Variants in NCF4 observed in about 807,000 individuals in gnomAD.
NCF4 encodes the protein neutrophil cytosol factor 4.
A neutral mutation model predicts 41.7 loss-of-function variants in NCF4; 30 were observed. That is an observed-to-expected ratio of 0.72 (90% confidence interval 0.54 to 0.97). The LOEUF (loss-of-function observed/expected upper bound fraction) is 0.97. Among genes scored for constraint, NCF4 ranks in the 50% least tolerant of loss-of-function variants. The pLI, the probability that NCF4 is intolerant of heterozygous loss-of-function variation, is 0.00. For missense variants in NCF4, 432 were observed against 460.9 expected (o/e 0.94, Z 0.57); for synonymous variants, 195 against 175.8 (o/e 1.11, Z -0.87).
intron 7 of NCF4, among the ~76,000 whole-genome samples, chr22:36,873,671 T>C (rs1940132325): frequency 6.6e-6 from 1 of 152,136 alleles, no homozygotes; most frequent in African/African-American, 2.4e-5. Flanking sequence ...GAGTTTAGTT[T>C]CTTGGTCTGT....
intron 2 of NCF4, 54 bp downstream of exon 2, chr22:36,864,183 G>A (rs1254524638): frequency 2.9e-6 from 4 of 1,386,506 alleles, no homozygotes; most frequent in Non-Finnish European, 3.9e-6. Flanking sequence ...CCACCCAGCT[G>A]ACCTCTGAAC....
chr22:36,873,336 T>C (rs1940125718), intron 7 of NCF4, among the ~76,000 whole-genome samples: 1 of 149,240 alleles, frequency 6.7e-6, no homozygotes, highest in Admixed American at 6.7e-5. Context: ...AGGTTGGAGA[T>C]GAGGTTGGGA....
rs1210447919 is a variant in NCF4 at position 36,877,761 on chromosome 22, T to C, written c.958T>C (p.Phe320Leu). The change falls in exon 10 of 10, where the codon TTC becomes CTC. Residue 320 changes from phenylalanine to leucine, a missense_variant. By Grantham distance (22) the Phe-to-Leu change is conservative (BLOSUM62 0). Transcript: ENST00000248899. ...TGGCCTCCCCTCCCAGAAGCGCCTC[T>C]TCCCCTGGAAGCTGCACATCACGCA... ...ARGLPSQKRL[F>L]PWKLHITQKD... The C allele has an allele frequency of 6.2e-7, 1 of 1,614,096 alleles. No individual in the cohort carries two copies. Among genetic ancestry groups the C allele is most frequent in the Non-Finnish European group, 8.5e-7 (1 of 1,180,010 alleles).
intron 7 of NCF4, 55 bp from the exon 8 acceptor site, chr22:36,875,598 G>A (rs546349994): frequency 3.1e-5 from 48 of 1,542,072 alleles, no homozygotes; most frequent in African/African-American, 9.5e-5. Flanking sequence ...GCTCTGAGGC[G>A]TGGCTCTGCT....
intron 7 of NCF4, 48 bp downstream of exon 7, chr22:36,872,473 G>A (rs1601553603): frequency 6.8e-7 from 1 of 1,461,764 alleles, no homozygotes; most frequent in Non-Finnish European, 9.5e-7. Context: ...TGAGGTTGGA[G>A]GGAAATTAAA....
Position 36,864,086 on chromosome 22 carries a change from A to G in NCF4, c.74A>G (p.Asn25Ser), listed in dbSNP as rs573525247. 16 of 1,614,170 alleles carry G rather than the reference A, an allele frequency of 9.9e-6. 1 individual carries two copies. In the African/African-American group the frequency reaches 1.9e-4, roughly 19 times the overall value. Residue 25 changes from asparagine (N) to serine (S), a missense_variant, in exon 2 of 10, where the codon AAC becomes AGC. Asn to Ser is a conservative substitution (Grantham distance 46). Transcript: ENST00000248899. ...QLPDDVAISA[N>S]IADIEEKRGF... Reference sequence around the variant, plus strand: ...CCGGATGATGTTGCCATCTCGGCCAACATTGCTGACATCGAGGAGAAGAGA... The same window carrying G: ...CCGGATGATGTTGCCATCTCGGCCAGCATTGCTGACATCGAGGAGAAGAGA...
At chr22:36,874,896 CCT>C (rs1940159687) in intron 7 of NCF4, among the ~76,000 whole-genome samples, 2 of 152,292 alleles carry the variant, frequency 1.3e-5, no homozygotes, top group South Asian at 4.1e-4. Flanking sequence ...CTCTTCCTCC[CCT>C]GTTCTATTTT....
At chr22:36,876,991 C>T (rs1040734794) in intron 9 of NCF4, among the ~76,000 whole-genome samples, 2 of 149,988 alleles carry the variant, frequency 1.3e-5, no homozygotes, top group African/African-American at 2.5e-5. Flanking sequence ...CCTCAATAGC[C>T]TCACACAGGT....
chr22:36,869,503 C>T (rs1232561719), intron 4 of NCF4, among the ~76,000 whole-genome samples: 1 of 152,166 alleles, frequency 6.6e-6, no homozygotes, highest in Non-Finnish European at 1.5e-5. Flanking sequence ...GGCTCTGCAT[C>T]CCCAGTTCCT....
rs1427121004 is a variant in NCF4 at position 36,870,400 on chromosome 22, G to C, written c.343-15G>C. 1.1e-5 allele frequency: 18 copies of C among 1,613,666 alleles called. No homozygotes were observed. The highest frequency in any genetic ancestry group is 1.4e-5 in the Non-Finnish European group (17 of 1,180,020). ...TGCTGACTACCCCACCGGTTCTGCTGTCTCACCCACACAGAGCCTGCTCAG... is the reference window on the plus strand; with the variant it reads ...TGCTGACTACCCCACCGGTTCTGCTCTCTCACCCACACAGAGCCTGCTCAG... On this transcript the variant is annotated splice_polypyrimidine_tract_variant and intron_variant, in intron 4 of 9. Coordinates refer to ENST00000248899, the MANE Select transcript of NCF4 (RefSeq NM_000631.5).
Position 36,861,014 on chromosome 22 carries a change from G to T in NCF4, c.-158G>T. On this transcript the variant is annotated 5_prime_UTR_variant, in exon 1 of 10. Transcript: ENST00000248899. ...GAGGAGGAGCCTCTGCCAGACTGGAGAGAAGCAGGCCTGAGCCTCCCCAAA... is the reference window on the plus strand; with the variant it reads ...GAGGAGGAGCCTCTGCCAGACTGGATAGAAGCAGGCCTGAGCCTCCCCAAA... The T allele has an allele frequency of 1.1e-6, 1 of 941,378 alleles. No individual in the cohort carries two copies. The highest frequency in any genetic ancestry group is 1.7e-6 in the Non-Finnish European group (1 of 594,156). 58.3% of individuals were successfully genotyped at this position (941,378 alleles called of 1,614,324 possible).
intron 1 of NCF4, among the ~76,000 whole-genome samples, chr22:36,861,707 G>A (rs1011045208): frequency 2.0e-5 from 3 of 152,118 alleles, no homozygotes; most frequent in Non-Finnish European, 4.4e-5. Flanking sequence ...TATATTACAG[G>A]AATAATATTA....
chr22:36,861,225 C>T, intron 1 of NCF4, 22 bp downstream of exon 1: 1 of 1,551,176 alleles, frequency 6.4e-7, no homozygotes, highest in Non-Finnish European at 8.7e-7. Flanking sequence ...GGTGTGGCCG[C>T]CCCCGGGCCT....
chr22:36,864,419 G>A (rs1396490658), intron 2 of NCF4, among the ~76,000 whole-genome samples: 1 of 152,152 alleles, frequency 6.6e-6, no homozygotes, highest in Non-Finnish European at 1.5e-5. Context: ...TCCGGCCCCA[G>A]CATAATACTA....
intron 4 of NCF4, among the ~76,000 whole-genome samples, chr22:36,867,795 C>A (rs568113848): frequency 1.2e-3 from 182 of 152,308 alleles, no homozygotes; most frequent in Non-Finnish European, 1.5e-3. Context: ...CCCAAGGTAC[C>A]CACTGTCCTA....
At chr22:36,867,527 T>G in intron 4 of NCF4, 65 bp downstream of exon 4, 1 of 1,548,148 alleles carries the variant, frequency 6.5e-7, no homozygotes, top group South Asian at 1.1e-5. Context: ...GGAGCCCACG[T>G]ACCATCCCTG....
At chr22:36,861,722 C>T (rs878954972) in intron 1 of NCF4, among the ~76,000 whole-genome samples, 13 of 152,152 alleles carry the variant, frequency 8.5e-5, no homozygotes, top group Admixed American at 7.2e-4. Flanking sequence ...ATATTATATG[C>T]TCATTTATTA....
chr22:36,870,110 G>A (rs1435360786), intron 4 of NCF4: 11 of 428,602 alleles, frequency 2.6e-5, no homozygotes, highest in East Asian at 5.1e-5. Flanking sequence ...AGTCACCGCC[G>A]GGTCATGTTA....
At chr22:36,874,995 A>T (rs1427620166) in intron 7 of NCF4, among the ~76,000 whole-genome samples, 1 of 151,576 alleles carries the variant, frequency 6.6e-6, no homozygotes, top group Non-Finnish European at 1.5e-5. Context: ...CATACTGGAA[A>T]CTCCGTGGGG....
Sources: gnomAD v4.1 joint callset for allele counts (sites outside exome capture counted in the v4.1 genomes callset) on GRCh38, gnomAD v4.1.1 for gene constraint, MANE v1.5 for transcripts, NCBI Gene and HGNC (gene_info 2026-07-23, HGNC 2026-07-21) for gene names.